Variants in NR5A2 observed in about 807,000 individuals in gnomAD.
NR5A2 encodes the protein CYP7A promoter-binding factor.
In NR5A2, 26 loss-of-function variants were observed where a neutral mutation model predicts 62.7. The observed-to-expected ratio is 0.41, with a 90% CI of 0.30 to 0.58. The LOEUF is 0.58. Ranked by LOEUF, NR5A2 falls within the 20% of genes least tolerant of loss-of-function variation. The probability of loss-of-function intolerance (pLI) is 0.22; values close to 1 mark genes in which losing one functional copy is unlikely to be tolerated. For synonymous variants in NR5A2, 246 were observed against 241.7 expected (o/e 1.02, Z -0.16); for missense variants, 541 against 669.1 (o/e 0.81, Z 2.11).
intron 7 of NR5A2, among the ~76,000 whole-genome samples, chr1:200,130,122 T>C (rs1571527093): frequency 2.6e-5 from 4 of 152,270 alleles, no homozygotes; most frequent in Admixed American, 2.0e-4. Flanking sequence ...GTTCCTATTG[T>C]GTGGGAGGTG....
At chr1:200,111,439 C>A in intron 6 of NR5A2, 118 bp downstream of exon 6, 1 of 1,134,870 alleles carries the variant, frequency 8.8e-7, no homozygotes, top group Non-Finnish European at 1.2e-6. Context: ...GATTGGCTGC[C>A]AATAATTTAG....
intron 6 of NR5A2, among the ~76,000 whole-genome samples, chr1:200,119,262 T>C (rs1053259834): frequency 6.6e-6 from 1 of 152,240 alleles, no homozygotes; most frequent in African/African-American, 2.4e-5. Context: ...AAGGGACTAG[T>C]TCTCCTGCTT....
intron 5 of NR5A2, among the ~76,000 whole-genome samples, chr1:200,084,957 C>T (rs1026161744): frequency 2.6e-5 from 4 of 152,122 alleles, no homozygotes; most frequent in Non-Finnish European, 5.9e-5. Flanking sequence ...CATTGTGAGC[C>T]GTTTGTACCG....
At chr1:200,137,082 GC>G (rs539293623) in intron 7 of NR5A2, among the ~76,000 whole-genome samples, 26 of 152,180 alleles carry the variant, frequency 1.7e-4, no homozygotes, top group African/African-American at 6.3e-4. Context: ...CAGTCCGCCA[GC>G]CTCAGCCACC....
At chr1:200,081,421 T>C (rs915501775) in intron 5 of NR5A2, among the ~76,000 whole-genome samples, 3 of 152,164 alleles carry the variant, frequency 2.0e-5, no homozygotes, top group African/African-American at 7.2e-5. Flanking sequence ...AAAGCAGAGA[T>C]CAAATCAAAG....
At chr1:200,114,459 C>T (rs942460500) in intron 6 of NR5A2, among the ~76,000 whole-genome samples, 5 of 152,118 alleles carry the variant, frequency 3.3e-5, no homozygotes, top group Non-Finnish European at 7.4e-5. Context: ...GTAAAATTCA[C>T]ACATACAGGT....
intron 7 of NR5A2, among the ~76,000 whole-genome samples, chr1:200,135,950 C>T (rs1185068706): frequency 6.6e-6 from 1 of 152,196 alleles, no homozygotes; most frequent in African/African-American, 2.4e-5. Context: ...TACATTAATT[C>T]AGTACCAAGC....
At chr1:200,121,302 T>C (rs951625956) in intron 7 of NR5A2, among the ~76,000 whole-genome samples, 10 of 152,226 alleles carry the variant, frequency 6.6e-5, no homozygotes, top group African/African-American at 2.4e-4. Flanking sequence ...TTTAGCCATC[T>C]TTCTCCCATT....
At chr1:200,083,168 CATT>C (rs1664370174) in intron 5 of NR5A2, among the ~76,000 whole-genome samples, 1 of 152,120 alleles carries the variant, frequency 6.6e-6, no homozygotes, top group African/African-American at 2.4e-5. Context: ...ACTTCACTGT[CATT>C]ATTGTATAAG....
At chr1:200,170,774 C>T (rs550959487) in intron 7 of NR5A2, among the ~76,000 whole-genome samples, 17 of 152,276 alleles carry the variant, frequency 1.1e-4, no homozygotes, top group African/African-American at 4.1e-4. Flanking sequence ...CAAAAGGATT[C>T]ATCACAGGAC....
intron 5 of NR5A2, chr1:200,058,542 G>A (rs116224522): frequency 0.03 from 4,559 of 151,690 alleles, 121 homozygotes; most frequent in African/African-American, 0.064. Flanking sequence ...ATGCAGTGTC[G>A]CAATCTCAGC....
intron 1 of NR5A2, chr1:200,028,902 T>C: frequency 4.1e-6 from 1 of 245,584 alleles, no homozygotes; most frequent in Non-Finnish European, 8.3e-6. Context: ...CACAGATTGC[T>C]TTTTTTATGG....
At chr1:200,125,685 AAC>A (rs1401206871) in intron 7 of NR5A2, among the ~76,000 whole-genome samples, 1 of 152,198 alleles carries the variant, frequency 6.6e-6, no homozygotes, top group Non-Finnish European at 1.5e-5. Context: ...AATAATTAAG[AAC>A]ATTATCTTAA....
chr1:200,085,854 C>T (rs1275725604), intron 5 of NR5A2, among the ~76,000 whole-genome samples: 1 of 152,150 alleles, frequency 6.6e-6, no homozygotes. Flanking sequence ...GAAACATCTG[C>T]AAAAGACCGA....
intron 4 of NR5A2, among the ~76,000 whole-genome samples, chr1:200,046,390 C>G (rs1662364716): frequency 6.6e-6 from 1 of 152,140 alleles, no homozygotes; most frequent in Admixed American, 6.5e-5. Context: ...CTCTGACCTG[C>G]TTGCTTTCCA....
intron 5 of NR5A2, among the ~76,000 whole-genome samples, chr1:200,077,301 A>G (rs535090732): frequency 7.2e-5 from 11 of 152,382 alleles, no homozygotes; most frequent in African/African-American, 2.2e-4. Context: ...TATCACATGT[A>G]GAGGAAGAGG....
chr1:200,112,488 T>C (rs867684537), intron 6 of NR5A2, among the ~76,000 whole-genome samples: 1 of 152,234 alleles, frequency 6.6e-6, no homozygotes, highest in Non-Finnish European at 1.5e-5. Context: ...TAAATGTTTA[T>C]GTGCTGTGAA....
chr1:200,123,053 T>C (rs1354673246), intron 7 of NR5A2, among the ~76,000 whole-genome samples: 1 of 152,132 alleles, frequency 6.6e-6, no homozygotes, highest in Non-Finnish European at 1.5e-5. Flanking sequence ...AGAGTCACTC[T>C]TGAAAGTTAA....
At chr1:200,127,685 A>ATATAT (rs1666767295) in intron 7 of NR5A2, among the ~76,000 whole-genome samples, 2 of 52,888 alleles carry the variant, frequency 3.8e-5, no homozygotes, top group African/African-American at 1.5e-4. Context: ...TCAAAAAAAA[A>ATATAT]AAAAAAAAAA....
Sources: gnomAD v4.1 joint callset for allele counts (sites outside exome capture counted in the v4.1 genomes callset) on GRCh38, gnomAD v4.1.1 for gene constraint, MANE v1.5 for transcripts, NCBI Gene and HGNC (gene_info 2026-07-23, HGNC 2026-07-21) for gene names.